The following SLC35F1 variants were observed in gnomAD, a reference collection of about 807,000 sequenced individuals.
SLC35F1 encodes chromosome 6 open reading frame 169.
SLC35F1 carries 14 observed loss-of-function variants against 48.7 expected under a neutral mutation model. The observed-to-expected ratio is 0.29, with a 90% CI of 0.19 to 0.45. The LOEUF is 0.45. Ranked by LOEUF, SLC35F1 falls within the 20% of genes least tolerant of loss-of-function variation. SLC35F1 has a pLI of 1.00. For synonymous variants in SLC35F1, 190 were observed against 202.2 expected, an observed-to-expected ratio of 0.94 and a Z score of 0.51; for missense variants, 404 against 500.0, an observed-to-expected ratio of 0.81 and a Z score of 1.83.
chr6:118,154,312 A>G, intron 1 of SLC35F1, 133 bp from the exon 2 acceptor site: 1 of 718,514 alleles, frequency 1.4e-6, no homozygotes, highest in Non-Finnish European at 2.2e-6. Flanking sequence ...GATTGCTTTG[A>G]TGGACTAAAG....
intron 1 of SLC35F1, among the ~76,000 whole-genome samples, chr6:117,990,627 A>T (rs769848286): frequency 6.6e-6 from 1 of 152,246 alleles, no homozygotes; most frequent in Non-Finnish European, 1.5e-5. Flanking sequence ...ATTTGTTCTT[A>T]GAATTACTCT....
chr6:117,998,263 A>C (rs1262437946), intron 1 of SLC35F1, among the ~76,000 whole-genome samples: 2 of 146,206 alleles, frequency 1.4e-5, no homozygotes, highest in African/African-American at 2.5e-5. Flanking sequence ...AGGAGCACCC[A>C]GATTCATAAA....
intron 2 of SLC35F1, among the ~76,000 whole-genome samples, chr6:118,160,338 C>T (rs1406827038): frequency 2.6e-5 from 4 of 152,186 alleles, no homozygotes; most frequent in Non-Finnish European, 4.4e-5. Flanking sequence ...AAGCTTCCAG[C>T]TAAAAGCAAT....
chr6:118,221,306 G>A (rs991092695), intron 2 of SLC35F1, among the ~76,000 whole-genome samples: 4 of 152,120 alleles, frequency 2.6e-5, no homozygotes, highest in African/African-American at 7.2e-5. Flanking sequence ...AACTTGGCCC[G>A]CAGCACAAGG....
intron 2 of SLC35F1, among the ~76,000 whole-genome samples, chr6:118,169,221 C>T (rs534738930): frequency 5.9e-5 from 9 of 152,300 alleles, no homozygotes; most frequent in African/African-American, 1.9e-4. Flanking sequence ...GCAATGATCA[C>T]TCCTTTGAAG....
At chr6:118,107,838 A>G (rs943559180) in intron 1 of SLC35F1, among the ~76,000 whole-genome samples, 2 of 152,046 alleles carry the variant, frequency 1.3e-5, no homozygotes, top group African/African-American at 4.8e-5. Context: ...TCAAGGAAAA[A>G]TTACAGACAA....
intron 1 of SLC35F1, among the ~76,000 whole-genome samples, chr6:117,913,820 G>A (rs1045375170): frequency 1.3e-5 from 2 of 152,184 alleles, no homozygotes; most frequent in African/African-American, 4.8e-5. Flanking sequence ...GGAGGCCAAG[G>A]TGGGAGGGTC....
At chr6:118,054,335 A>G (rs11153719) in intron 1 of SLC35F1, among the ~76,000 whole-genome samples, 44,831 of 152,128 alleles carry the variant, frequency 0.29, 7,328 homozygotes, top group East Asian at 0.48. Flanking sequence ...TCTCTGCTAT[A>G]AATGTCTGTC....
At position 118,235,952 on chromosome 6, in the gene SLC35F1, G is replaced by T. The variant is rs79002674; in HGVS notation, c.477+316G>T. Among the ~76,000 whole-genome samples, 82 of 152,096 alleles carry T rather than the reference G, an allele frequency of 5.4e-4. 1 individual carries two copies. In the East Asian group the frequency reaches 0.015, roughly 28 times the overall value. On this transcript the variant is annotated intron_variant, in intron 3 of 7. Transcript: ENST00000360388. ...ATTGACAATGTAAAAAAAATTTGTG[G>T]CTTTGAATGCTGTCAACTAATCTTA... is the stretch of plus-strand genomic sequence containing the variant.
At chr6:118,173,395 A>C (rs1562314758) in intron 2 of SLC35F1, among the ~76,000 whole-genome samples, 1 of 130,290 alleles carries the variant, frequency 7.7e-6, no homozygotes, top group East Asian at 2.0e-4. Context: ...TAAAAAAAAA[A>C]CAAAAAACAA....
At chr6:118,172,238 G>A (rs1175421671) in intron 2 of SLC35F1, among the ~76,000 whole-genome samples, 2 of 152,100 alleles carry the variant, frequency 1.3e-5, no homozygotes, top group Non-Finnish European at 2.9e-5. Context: ...CCAACATTTG[G>A]ATTTTGGGTT....
chr6:118,226,098 G>A (rs1023133277), intron 2 of SLC35F1, among the ~76,000 whole-genome samples: 8 of 152,158 alleles, frequency 5.3e-5, no homozygotes, highest in Non-Finnish European at 7.4e-5. Flanking sequence ...TGGAACAAAT[G>A]GCCAACAGGT....
chr6:118,258,470 A>G (rs1459619739), intron 3 of SLC35F1, among the ~76,000 whole-genome samples: 1 of 152,092 alleles, frequency 6.6e-6, no homozygotes, highest in African/African-American at 2.4e-5. Flanking sequence ...AACATTTGAC[A>G]ATGAGATAAT....
chr6:118,313,549 T>C (rs963298547), intron 7 of SLC35F1, among the ~76,000 whole-genome samples: 15 of 152,184 alleles, frequency 9.9e-5, no homozygotes, highest in African/African-American at 3.6e-4. Context: ...AGACAAATAG[T>C]GTCTGAATTG....
intron 1 of SLC35F1, among the ~76,000 whole-genome samples, chr6:118,024,711 A>G (rs6900812): frequency 6.6e-6 from 1 of 151,932 alleles, no homozygotes; most frequent in Non-Finnish European, 1.5e-5. Flanking sequence ...TATTAAGGCA[A>G]TTATTTAAAA....
At chr6:118,283,006 C>T (rs1208221800) in intron 6 of SLC35F1, among the ~76,000 whole-genome samples, 1 of 152,160 alleles carries the variant, frequency 6.6e-6, no homozygotes, top group African/African-American at 2.4e-5. Flanking sequence ...AGTCAGCTGC[C>T]GCAAACTCCT....
At chr6:117,982,101 T>G (rs1441412019) in intron 1 of SLC35F1, among the ~76,000 whole-genome samples, 1 of 152,232 alleles carries the variant, frequency 6.6e-6, no homozygotes, top group Non-Finnish European at 1.5e-5. Flanking sequence ...CAAATCTGTT[T>G]CTGTCAAACT....
intron 1 of SLC35F1, among the ~76,000 whole-genome samples, chr6:117,923,174 C>T (rs946663790): frequency 2.0e-5 from 3 of 152,224 alleles, no homozygotes; most frequent in South Asian, 4.1e-4. Flanking sequence ...ACAATACAGC[C>T]CAAAGTCCTT....
rs1375064453 is a variant in SLC35F1 at position 118,268,613 on chromosome 6, T to A, written c.637+1459T>A. Among the ~76,000 whole-genome samples, 786 of 127,530 alleles carry A rather than the reference T, an allele frequency of 6.2e-3. 13 individuals carry two copies. Among genetic ancestry groups the A allele is most frequent in the African/African-American group, 0.022 (747 of 34,246 alleles). 83.7% of individuals were successfully genotyped at this position (127,530 alleles called of 152,430 possible). A position where few individuals can be genotyped will look rare whatever the true frequency, so the allele number is the denominator to read the frequency against. ...ATATATATATATATTTTTTTTTTTT[T>A]TTTTTTTTTTTTTTGAGACAGAGTC... On this transcript the variant is annotated intron_variant, in intron 4 of 7. Coordinates refer to ENST00000360388, the MANE Select transcript of SLC35F1 (RefSeq NM_001029858.4).
Sources: allele counts gnomAD v4.1 joint callset (sites outside exome capture counted in the v4.1 genomes callset), GRCh38; gene constraint gnomAD v4.1.1; transcripts MANE v1.5; gene names NCBI Gene and HGNC (gene_info 2026-07-23, HGNC 2026-07-21).